Variants in PSD4 observed in about 807,000 individuals in gnomAD.
The protein encoded by PSD4 is PH and SEC7 domain-containing protein 4.
Under a neutral mutation model 112.5 loss-of-function variants are expected in PSD4, and 59 were observed. The ratio of observed to expected loss-of-function variants is 0.52; its 90% confidence interval spans 0.43 to 0.65. The LOEUF (loss-of-function observed/expected upper bound fraction) is 0.65. PSD4 is among the 30% of genes least tolerant of loss of function. PSD4 has a pLI of 0.00. For synonymous variants in PSD4, 533 were observed against 540.0 expected (o/e 0.99, Z 0.18); for missense variants, 1,267 against 1,352.6 (o/e 0.94, Z 0.99).
intron 12 of PSD4, 133 bp from the exon 13 acceptor site, chr2:113,197,431 C>T: frequency 1.1e-6 from 1 of 879,630 alleles, no homozygotes; most frequent in Non-Finnish European, 1.9e-6. Flanking sequence ...GCATGTTCTG[C>T]ATTTGTGTGC....
At chr2:113,174,208 C>G (rs1687903727) in intron 1 of PSD4, 154 bp downstream of exon 1, 1 of 152,682 alleles carries the variant, frequency 6.5e-6, no homozygotes, top group Admixed American at 6.5e-5. Flanking sequence ...CTGCCATGAG[C>G]CTGGGCTAGG....
chr2:113,200,785 C>T (rs910305780), intron 16 of PSD4, among the ~76,000 whole-genome samples: 2 of 152,172 alleles, frequency 1.3e-5, no homozygotes, highest in Non-Finnish European at 2.9e-5. Context: ...GCTATTTAGA[C>T]CCAATTAGGG....
intron 2 of PSD4, among the ~76,000 whole-genome samples, chr2:113,183,937 G>A (rs571763626): frequency 6.6e-6 from 1 of 152,322 alleles, no homozygotes; most frequent in Admixed American, 6.5e-5. Flanking sequence ...ACAGAGAGAT[G>A]CCTATTTCAA....
At position 113,205,706 on chromosome 2, in the gene PSD4, G is replaced by C. The variant is rs1310777499; in HGVS notation, c.*4291G>C. The C allele has an allele frequency of 2.0e-5, 3 of 152,128 alleles. No homozygotes were observed. The highest frequency in any genetic ancestry group is 1.5e-5 in the Non-Finnish European group (1 of 68,028). The allele number at this position is 152,128 out of a possible 1,614,324, so 9.4% of individuals were successfully genotyped here. ...TCAGAATATGGCCTGCAAATGCACTGTACTATTTGTGTAACTTATATGTAA... is the reference window on the plus strand; with the variant it reads ...TCAGAATATGGCCTGCAAATGCACTCTACTATTTGTGTAACTTATATGTAA... On this transcript the variant is annotated 3_prime_UTR_variant, in exon 17 of 17. Transcript: ENST00000245796.
intron 10 of PSD4, among the ~76,000 whole-genome samples, chr2:113,194,860 T>C (rs1688550859): frequency 6.6e-6 from 1 of 152,258 alleles, no homozygotes; most frequent in South Asian, 2.1e-4. Context: ...CATGATGCTG[T>C]TATATGGTAC....
chr2:113,180,041 A>G (rs1688086233), intron 1 of PSD4, among the ~76,000 whole-genome samples: 1 of 152,218 alleles, frequency 6.6e-6, no homozygotes, highest in Admixed American at 6.5e-5. Flanking sequence ...CAAGGTGAAT[A>G]AGAAACTGAA....
intron 2 of PSD4, among the ~76,000 whole-genome samples, chr2:113,183,714 ATGATGTCAGC>A (rs544082417): frequency 4.7e-4 from 71 of 152,238 alleles, no homozygotes; most frequent in Non-Finnish European, 3.8e-4. Context: ...TATCAATGCC[ATGATGTCAGC>A]TGATGTCAGC....
chr2:113,185,518 T>G, intron 4 of PSD4, 78 bp downstream of exon 4: 2 of 1,610,590 alleles, frequency 1.2e-6, no homozygotes, highest in Non-Finnish European at 1.7e-6. Context: ...AGATCATTCT[T>G]GGATCCATGG....
intron 5 of PSD4, among the ~76,000 whole-genome samples, chr2:113,187,062 C>T (rs965580854): frequency 3.9e-5 from 6 of 152,192 alleles, no homozygotes; most frequent in Non-Finnish European, 7.3e-5. Flanking sequence ...TGGTGGGGCC[C>T]GGAGGAGCTG....
rs1209168601 is a variant in PSD4, at chr2:113,203,885, G to C, written c.*2470G>C. The C allele has an allele frequency of 6.6e-6, 1 of 152,168 alleles. No individual in the cohort carries two copies. Among genetic ancestry groups the C allele is most frequent in the African/African-American group, 2.4e-5 (1 of 41,424 alleles). The allele number at this position is 152,168 out of a possible 1,614,324, so 9.4% of individuals were successfully genotyped here. ...TATGCATCCTTATTTCTAAAACCAT[G>C]ATAAAAGGTGAAAGTCTGAATGCAT... On this transcript the variant is annotated 3_prime_UTR_variant, in exon 17 of 17. Coordinates refer to ENST00000245796, the MANE Select transcript of PSD4 (RefSeq NM_012455.3).
At chr2:113,200,027 T>C (rs1045262915) in intron 16 of PSD4, among the ~76,000 whole-genome samples, 3 of 152,160 alleles carry the variant, frequency 2.0e-5, no homozygotes, top group Non-Finnish European at 4.4e-5. Context: ...GGGTTCACCA[T>C]GTTGGCAAAG....
chr2:113,185,117 G>A, intron 3 of PSD4, 44 bp downstream of exon 3: 1 of 1,613,340 alleles, frequency 6.2e-7, no homozygotes, highest in African/African-American at 1.3e-5. Context: ...TCCATCTTTG[G>A]AGGAGGAATA....
At position 113,181,099 on chromosome 2, in the gene PSD4, A is replaced by T. The variant is rs984330922; in HGVS notation, c.-111-1247A>T. Among the ~76,000 whole-genome samples the T allele has an allele frequency of 6.6e-5, 10 of 151,906 alleles. No homozygotes were observed. In the East Asian group the frequency reaches 1.9e-3, roughly 30 times the overall value. On this transcript the variant is annotated intron_variant, in intron 1 of 16. Transcript: ENST00000245796. ...AAAAATTAGCAGAGCATGGTGGTAG[A>T]CGCCTATAATTCTAGCTACTCGGGA... is the stretch of plus-strand genomic sequence containing the variant.
At chr2:113,198,417 G>A (rs971091654) in intron 14 of PSD4, 36 of 274,318 alleles carry the variant, frequency 1.3e-4, no homozygotes, top group Middle Eastern at 1.0e-3. Context: ...GATTAAAGGC[G>A]GGCGCCACCG....
chr2:113,206,941 C>A lies in PSD4; in HGVS notation c.*5526C>A, dbSNP rs761046821. 1 of 152,286 alleles carries A rather than the reference C, an allele frequency of 6.6e-6. No individual in the cohort carries two copies. The highest frequency in any genetic ancestry group is 2.1e-4 in the South Asian group (1 of 4,822). 9.4% of individuals were successfully genotyped at this position (152,286 alleles called of 1,614,324 possible). A position where few individuals can be genotyped will look rare whatever the true frequency, so the allele number is the denominator to read the frequency against. On this transcript the variant is annotated 3_prime_UTR_variant, in exon 17 of 17. Coordinates refer to ENST00000245796, the MANE Select transcript of PSD4 (RefSeq NM_012455.3). ...ATAGCTGAATAATCTGTATCCAGGT[C>A]AGGTGAGGCTTCATCTCGGGCTTCA...
chr2:113,184,133 G>A (rs1008986883), intron 2 of PSD4, among the ~76,000 whole-genome samples: 1 of 152,172 alleles, frequency 6.6e-6, no homozygotes, highest in African/African-American at 2.4e-5. Flanking sequence ...TCCCAGGGAG[G>A]CCTCTCCTTA....
intron 1 of PSD4, chr2:113,175,507 T>A (rs1687951307): frequency 6.6e-6 from 1 of 151,938 alleles, no homozygotes; most frequent in Admixed American, 6.6e-5. Context: ...GGCCAGGGAG[T>A]TCCACTCATG....
intron 1 of PSD4, among the ~76,000 whole-genome samples, chr2:113,178,337 C>G (rs796563185): frequency 1.3e-5 from 2 of 152,110 alleles, no homozygotes; most frequent in African/African-American, 4.8e-5. Context: ...TCCTCACCCC[C>G]ACCCCTCCCA....
chr2:113,199,166 G>GCGGGGC lies in PSD4; in HGVS notation c.2856_2861dup (p.Gly955_Arg956dup). ...ATCTACAGAGGAACCTGCCGGAGCG[G>GCGGGGC]CGGGGCCGTGGCCGCGAGCTGGAGG... On this transcript the variant is annotated inframe_insertion, in exon 16 of 17. Transcript: ENST00000245796. 1 of 1,525,620 alleles carries GCGGGGC rather than the reference G, an allele frequency of 6.6e-7. No homozygotes were observed. The highest frequency in any genetic ancestry group is 8.8e-7 in the Non-Finnish European group (1 of 1,139,060). 94.5% of individuals were successfully genotyped at this position (1,525,620 alleles called of 1,614,324 possible). A position where few individuals can be genotyped will look rare whatever the true frequency, so the allele number is the denominator to read the frequency against.
Sources: gnomAD v4.1 joint callset for allele counts (sites outside exome capture counted in the v4.1 genomes callset) on GRCh38, gnomAD v4.1.1 for gene constraint, MANE v1.5 for transcripts, NCBI Gene and HGNC (gene_info 2026-07-23, HGNC 2026-07-21) for gene names.